TENM3: variants seen among roughly 807,000 people sequenced by gnomAD.
TENM3 encodes teneurin-3.
A neutral mutation model predicts 255.1 loss-of-function variants in TENM3; 63 were observed. The observed-to-expected ratio is 0.25, with a 90% confidence interval of 0.20 to 0.30. TENM3 has a LOEUF of 0.30. Ranked by LOEUF, TENM3 falls within the 10% of genes least tolerant of loss-of-function variation. The pLI is 1.00. For missense variants in TENM3, 2,929 were observed against 3,461.1 expected (o/e 0.85, Z 3.86); for synonymous variants, 1,306 against 1,322.3 (o/e 0.99, Z 0.27).
chr4:182,405,486 C>T (rs1769505424), intron 3 of TENM3, among the ~76,000 whole-genome samples: 1 of 152,130 alleles, frequency 6.6e-6, no homozygotes, highest in African/African-American at 2.4e-5. Flanking sequence ...TGGATAGTAC[C>T]CATCATCTGT....
At chr4:181,971,737 T>G in the TENM3 span, among the ~76,000 whole-genome samples, 3 of 152,012 alleles carry the variant, frequency 2.0e-5, no homozygotes, top group Non-Finnish European at 4.4e-5. Flanking sequence ...CTGTTAATTT[T>G]TAAAAAATGT....
chr4:181,922,248 C>T, the TENM3 span, among the ~76,000 whole-genome samples: 10 of 152,182 alleles, frequency 6.6e-5, no homozygotes, highest in East Asian at 3.9e-4. Flanking sequence ...GCTGGCCTCA[C>T]AAAATGAGTT....
intron 3 of TENM3, among the ~76,000 whole-genome samples, chr4:182,520,606 T>C (rs183988561): frequency 1.9e-3 from 286 of 152,346 alleles, no homozygotes; most frequent in Middle Eastern, 6.8e-3. Context: ...GTGTATGAGC[T>C]GGCACAACAG....
At chr4:181,716,005 T>C in the TENM3 span, among the ~76,000 whole-genome samples, 1 of 152,250 alleles carries the variant, frequency 6.6e-6, no homozygotes, top group Non-Finnish European at 1.5e-5. Context: ...CATGGTTTTA[T>C]GTAAAGGCTC....
At chr4:182,151,805 A>G (rs926572422) in intron 1 of TENM3, among the ~76,000 whole-genome samples, 2 of 152,070 alleles carry the variant, frequency 1.3e-5, no homozygotes, top group African/African-American at 4.8e-5. Context: ...TGTAATGATG[A>G]GAATAGTTGT....
At chr4:182,672,697 G>T (rs1044070116) in intron 6 of TENM3, among the ~76,000 whole-genome samples, 3 of 152,172 alleles carry the variant, frequency 2.0e-5, no homozygotes, top group African/African-American at 7.2e-5. Flanking sequence ...CTCATAATTT[G>T]TAAGATAATT....
intron 1 of TENM3, among the ~76,000 whole-genome samples, chr4:182,284,336 CA>C (rs1435700333): frequency 6.6e-6 from 1 of 152,170 alleles, no homozygotes; most frequent in Non-Finnish European, 1.5e-5. Context: ...GGCATATTCA[CA>C]GATGTTAATC....
At chr4:181,883,536 G>A in the TENM3 span, among the ~76,000 whole-genome samples, 1 of 152,274 alleles carries the variant, frequency 6.6e-6, no homozygotes, top group Admixed American at 6.5e-5. Context: ...GTGCTGTGGT[G>A]CGATCTCGGC....
chr4:181,995,350 C>G, the TENM3 span, among the ~76,000 whole-genome samples: 7 of 152,028 alleles, frequency 4.6e-5, no homozygotes, highest in East Asian at 1.2e-3. Context: ...TGCCTTTGTC[C>G]CATTTGTACA....
the TENM3 span, among the ~76,000 whole-genome samples, chr4:182,137,338 C>T: frequency 6.9e-6 from 1 of 145,206 alleles, no homozygotes; most frequent in Non-Finnish European, 1.5e-5. Context: ...CCACCTCCCC[C>T]CCCCCAAAAA....
chr4:182,475,392 A>G (rs1291377049), intron 3 of TENM3, among the ~76,000 whole-genome samples: 1 of 131,622 alleles, frequency 7.6e-6, no homozygotes, highest in Non-Finnish European at 1.6e-5. Context: ...TATATTACTT[A>G]TTTAAAACTG....
chr4:182,617,386 C>T (rs1358102491), intron 4 of TENM3, among the ~76,000 whole-genome samples: 1 of 152,160 alleles, frequency 6.6e-6, no homozygotes, highest in Non-Finnish European at 1.5e-5. Flanking sequence ...CTAAAACTAT[C>T]TTGAACTCAG....
the TENM3 span, among the ~76,000 whole-genome samples, chr4:181,929,772 T>A: frequency 2.0e-5 from 3 of 152,122 alleles, no homozygotes; most frequent in African/African-American, 7.2e-5. Context: ...ATTAACCACA[T>A]AATAGGAGGT....
the TENM3 span, among the ~76,000 whole-genome samples, chr4:182,078,874 A>C: frequency 6.6e-6 from 1 of 152,166 alleles, no homozygotes; most frequent in African/African-American, 2.4e-5. Flanking sequence ...TAGAATGGGA[A>C]GGTCATGTTG....
Position 182,789,263 on chromosome 4 carries a change from C to T in TENM3, c.5475C>T (p.Ser1825=), listed in dbSNP as rs995710437. The change falls in exon 25 of 28, where the codon TCC becomes TCT. Residue 1825 remains serine (S), a synonymous_variant. Transcript: ENST00000511685. The surrounding 1 kb of genome is among the most constrained non-coding windows in gnomAD (Gnocchi z 4.4). ...KLMAVNVTYS[S]TGQIASIQRG... Reference sequence around the variant, plus strand: ...TGGCCGTCAATGTCACCTATTCATCCACAGGTCAAATTGCCAGCATCCAGC... The same window carrying T: ...TGGCCGTCAATGTCACCTATTCATCTACAGGTCAAATTGCCAGCATCCAGC... 12 of 1,613,762 alleles carry T rather than the reference C, an allele frequency of 7.4e-6. No homozygotes were observed. The East Asian group carries it at 2.5e-4, about 33-fold the overall frequency.
chr4:182,100,566 C>CAT, the TENM3 span, among the ~76,000 whole-genome samples: 2 of 114,604 alleles, frequency 1.7e-5, no homozygotes, highest in Non-Finnish European at 3.3e-5. Context: ...TATATACACA[C>CAT]ATATATATAC....
At chr4:182,213,781 G>C (rs1328850709) in intron 1 of TENM3, among the ~76,000 whole-genome samples, 2 of 152,118 alleles carry the variant, frequency 1.3e-5, no homozygotes, top group Non-Finnish European at 2.9e-5. Flanking sequence ...AGAGATAAGA[G>C]ATGCAGCTTT....
the TENM3 span, among the ~76,000 whole-genome samples, chr4:182,113,715 G>A: frequency 6.6e-5 from 10 of 152,252 alleles, no homozygotes; most frequent in African/African-American, 2.4e-4. Context: ...GAGGAAGGGA[G>A]GGTGTTGAGG....
chr4:182,020,720 GC>G, the TENM3 span, among the ~76,000 whole-genome samples: 6 of 152,048 alleles, frequency 3.9e-5, no homozygotes, highest in Admixed American at 6.5e-5. Flanking sequence ...TTCAAAGTAA[GC>G]ATTTCAATGA....
Sources: allele counts gnomAD v4.1 joint callset (sites outside exome capture counted in the v4.1 genomes callset), GRCh38; gene constraint gnomAD v4.1.1; non-coding constraint Gnocchi (gnomAD v3.1); transcripts MANE v1.5; gene names NCBI Gene and HGNC (gene_info 2026-07-23, HGNC 2026-07-21).